Variants in TOX2 observed in about 807,000 individuals in gnomAD.
TOX2 encodes the protein granulosa cell HMG box 1.
Under a neutral mutation model 47.4 loss-of-function variants are expected in TOX2, and 15 were observed. The ratio of observed to expected loss-of-function variants is 0.32; its 90% CI spans 0.21 to 0.49. TOX2 has a LOEUF of 0.49. Ranked by LOEUF, TOX2 falls within the 20% of genes least tolerant of loss-of-function variation. TOX2 has a pLI of 0.99. For synonymous variants in TOX2, 290 were observed against 296.6 expected, an observed-to-expected ratio of 0.98 and a Z score of 0.23; for missense variants, 622 against 673.1, an observed-to-expected ratio of 0.92 and a Z score of 0.84.
At chr20:43,967,755 G>A (rs911106003) in intron 1 of TOX2, among the ~76,000 whole-genome samples, 4 of 152,090 alleles carry the variant, frequency 2.6e-5, no homozygotes, top group Admixed American at 2.6e-4. Flanking sequence ...ATCATGTTAT[G>A]AATATGTTGA....
In TOX2 at chr20:43,940,488, T is replaced by G. The variant is rs1408328255; in HGVS notation, c.99+25498T>G. 6.6e-5 allele frequency among the ~76,000 whole-genome samples: 10 copies of G among 151,940 alleles called. No individual in the cohort carries two copies. In the East Asian group the frequency reaches 1.9e-3, roughly 29 times the overall value. On this transcript the variant is annotated intron_variant, in intron 1 of 8. Coordinates refer to ENST00000341197, the MANE Select transcript of TOX2 (RefSeq NM_001098797.2). ...ATCCTCCCATCTCGGCCTCACAAAT[T>G]GCTGGGATTACAGGTGTGAGCAATC... is the stretch of plus-strand genomic sequence containing the variant.
In TOX2 at chr20:44,069,415, G is replaced by C. The variant is rs929146266; in HGVS notation, c.*729G>C. ...ATGTATTCATCTATTTTAAATTGCCGGCGACGACTTTTGTCTATTTATGAA... is the reference window on the plus strand; with the variant it reads ...ATGTATTCATCTATTTTAAATTGCCCGCGACGACTTTTGTCTATTTATGAA... On this transcript the variant is annotated 3_prime_UTR_variant, in exon 9 of 9. Transcript: ENST00000341197. 1.3e-5 allele frequency: 2 copies of C among 154,312 alleles called. No individual in the cohort carries two copies. The highest frequency in any genetic ancestry group is 2.9e-5 in the Non-Finnish European group (2 of 69,246). 9.6% of individuals were successfully genotyped at this position (154,312 alleles called of 1,614,324 possible). A position where few individuals can be genotyped will look rare whatever the true frequency, so the allele number is the denominator to read the frequency against.
chr20:43,947,712 C>T (rs183964120), intron 1 of TOX2, among the ~76,000 whole-genome samples: 297 of 152,294 alleles, frequency 2.0e-3, no homozygotes, highest in Middle Eastern at 0.014. Context: ...GAGAACCAAC[C>T]GATCCTTTTA....
intron 1 of TOX2, chr20:43,945,645 C>T (rs969825343): frequency 3.7e-5 from 15 of 402,204 alleles, no homozygotes; most frequent in South Asian, 9.6e-5. Context: ...GACGTGGAGC[C>T]GCGCTGTACT....
intron 3 of TOX2, among the ~76,000 whole-genome samples, chr20:44,047,024 T>G (rs2071420591): frequency 6.6e-6 from 1 of 152,146 alleles, no homozygotes; most frequent in Admixed American, 6.5e-5. Context: ...TAACAAAGGA[T>G]ACATTAAATA....
chr20:43,994,193 G>A (rs1015096255), intron 2 of TOX2, among the ~76,000 whole-genome samples: 1 of 151,558 alleles, frequency 6.6e-6, no homozygotes, highest in African/African-American at 2.4e-5. Context: ...AGTTTGGCAC[G>A]GTGGCTCATG....
chr20:43,932,911 C>T (rs1223508606), intron 1 of TOX2, among the ~76,000 whole-genome samples: 1 of 152,172 alleles, frequency 6.6e-6, no homozygotes, highest in Non-Finnish European at 1.5e-5. Context: ...CTAACACCTT[C>T]CCCGGGGTTG....
At chr20:43,918,015 G>A (rs1466735109) in intron 1 of TOX2, among the ~76,000 whole-genome samples, 1 of 151,286 alleles carries the variant, frequency 6.6e-6, no homozygotes. Flanking sequence ...TACACAGCAA[G>A]TAAGGAACAA....
Position 43,998,750 on chromosome 20 carries a change from T to C in TOX2, c.166-7797T>C, listed in dbSNP as rs533483210. On this transcript the variant is annotated intron_variant, in intron 2 of 8. Transcript: ENST00000341197. Reference sequence around the variant, plus strand: ...ATCTATCTATCTATCTATCTATCTATCTATCTATCTATCTATCTATTTATT... The same window carrying C: ...ATCTATCTATCTATCTATCTATCTACCTATCTATCTATCTATCTATTTATT... Among the ~76,000 whole-genome samples the C allele has an allele frequency of 8.0e-3, 1,223 of 152,096 alleles. 5 individuals carry two copies. Among genetic ancestry groups the C allele is most frequent in the Middle Eastern group, 0.041 (12 of 294 alleles).
intron 3 of TOX2, among the ~76,000 whole-genome samples, chr20:44,045,228 C>T (rs923478227): frequency 6.6e-5 from 10 of 152,126 alleles, no homozygotes; most frequent in Non-Finnish European, 2.9e-5. Context: ...TTTAATGCCA[C>T]TGAACTGTAC....
At chr20:43,972,280 T>A (rs1490205256) in intron 1 of TOX2, among the ~76,000 whole-genome samples, 1 of 152,216 alleles carries the variant, frequency 6.6e-6, no homozygotes, top group Admixed American at 6.5e-5. Context: ...CCTTGCTTCG[T>A]GTTGGTACTA....
intron 2 of TOX2, among the ~76,000 whole-genome samples, chr20:43,995,547 C>T (rs900129077): frequency 6.6e-6 from 1 of 151,994 alleles, no homozygotes; most frequent in African/African-American, 2.4e-5. Context: ...TTCAGGGGTA[C>T]GTGTGAAGGT....
chr20:43,916,625 T>C lies in TOX2; in HGVS notation c.99+1635T>C, dbSNP rs1026576217. Among the ~76,000 whole-genome samples, 3 of 152,126 alleles carry C rather than the reference T, an allele frequency of 2.0e-5. No homozygotes were observed. The highest frequency in any genetic ancestry group is 7.2e-5 in the African/African-American group (3 of 41,426). ...ATAGATTAAAAGTAGCAAGTGGAGT[T>C]TTCAGGGAGGAGAAGGTTGGGTGTG... On this transcript the variant is annotated intron_variant, in intron 1 of 8. Coordinates refer to ENST00000341197, the MANE Select transcript of TOX2 (RefSeq NM_001098797.2). This position sits in a 1 kb window ranked among gnomAD's most constrained non-coding sequence, Gnocchi z 5.0.
intron 1 of TOX2, among the ~76,000 whole-genome samples, chr20:43,948,325 C>G (rs2069504593): frequency 1.3e-5 from 2 of 152,206 alleles, no homozygotes; most frequent in South Asian, 4.1e-4. Flanking sequence ...AGTTCTTCAT[C>G]CCCTTTGGAC....
chr20:43,963,211 G>A (rs1175809528), intron 1 of TOX2, among the ~76,000 whole-genome samples: 1 of 152,046 alleles, frequency 6.6e-6, no homozygotes, highest in Admixed American at 6.6e-5. Context: ...CCAGGTACCT[G>A]GCAGCCCTCA....
At chr20:44,036,352 C>A (rs1379324822) in intron 3 of TOX2, among the ~76,000 whole-genome samples, 1 of 152,236 alleles carries the variant, frequency 6.6e-6, no homozygotes, top group Non-Finnish European at 1.5e-5. Flanking sequence ...GCTGTGGACA[C>A]AGGCCTGGGA....
At chr20:43,983,933 C>T (rs1398949870) in intron 2 of TOX2, among the ~76,000 whole-genome samples, 1 of 152,198 alleles carries the variant, frequency 6.6e-6, no homozygotes, top group Non-Finnish European at 1.5e-5. Context: ...AGGCAGGCGA[C>T]CCTCCTGCTG....
chr20:43,995,827 A>G (rs2070466804), intron 2 of TOX2, among the ~76,000 whole-genome samples: 1 of 152,176 alleles, frequency 6.6e-6, no homozygotes, highest in Non-Finnish European at 1.5e-5. Context: ...CCATGTTCCT[A>G]CAGAAGACAT....
intron 2 of TOX2, among the ~76,000 whole-genome samples, chr20:43,991,200 A>G (rs1163721840): frequency 6.6e-6 from 1 of 152,212 alleles, no homozygotes; most frequent in African/African-American, 2.4e-5. Flanking sequence ...AGAAGATGCT[A>G]AGATAAGGAC....
Sources: allele counts gnomAD v4.1 joint callset (sites outside exome capture counted in the v4.1 genomes callset), GRCh38; gene constraint gnomAD v4.1.1; non-coding constraint Gnocchi (gnomAD v3.1); transcripts MANE v1.5; gene names NCBI Gene and HGNC (gene_info 2026-07-23, HGNC 2026-07-21).